The following DENND1A variants were observed in gnomAD, a reference collection of about 807,000 sequenced individuals.
The protein encoded by DENND1A is DENN domain containing 1A.
A neutral mutation model predicts 113.7 loss-of-function variants in DENND1A; 51 were observed. The ratio of observed to expected loss-of-function variants is 0.45; its 90% CI spans 0.36 to 0.57. The LOEUF (loss-of-function observed/expected upper bound fraction) is 0.57. Among genes scored for constraint, DENND1A ranks in the 20% least tolerant of loss-of-function variants. The pLI, the probability that DENND1A is intolerant of heterozygous loss-of-function variation, is 0.00. For missense variants in DENND1A, 1,258 were observed against 1,395.9 expected, an observed-to-expected ratio of 0.90 and a Z score of 1.57; for synonymous variants, 565 against 570.8, an observed-to-expected ratio of 0.99 and a Z score of 0.14.
intron 1 of DENND1A, among the ~76,000 whole-genome samples, chr9:123,923,214 C>G (rs1856578326): frequency 6.6e-6 from 1 of 152,228 alleles, no homozygotes; most frequent in African/African-American, 2.4e-5. Context: ...ACCTTCCTAT[C>G]TGCTGTACAA....
intron 13 of DENND1A, among the ~76,000 whole-genome samples, chr9:123,468,868 C>T (rs1449047438): frequency 6.6e-6 from 1 of 152,234 alleles, no homozygotes; most frequent in Non-Finnish European, 1.5e-5. Context: ...AGATGACCTG[C>T]ATCCTTCACT....
At chr9:123,619,070 C>G (rs1296308106) in intron 10 of DENND1A, among the ~76,000 whole-genome samples, 1 of 152,114 alleles carries the variant, frequency 6.6e-6, no homozygotes, top group Non-Finnish European at 1.5e-5. Context: ...GCCTCAGCCT[C>G]AGAGTAGCTG....
chr9:123,929,977 G>A lies in DENND1A; in HGVS notation c.-72C>T. 1 of 249,336 alleles carries A rather than the reference G, an allele frequency of 4.0e-6. No homozygotes were observed. Among genetic ancestry groups the A allele is most frequent in the South Asian group, 1.2e-4 (1 of 8,478 alleles). The allele number at this position is 249,336 out of a possible 1,614,324, so 15.4% of individuals were successfully genotyped here. A position where few individuals can be genotyped will look rare whatever the true frequency, so the allele number is the denominator to read the frequency against. ...GCTGCCCGCCCGCCCGCGGCCGACCGGCCTCCCTCTGGCGCTCTCCCCGCC... is the reference window on the plus strand; with the variant it reads ...GCTGCCCGCCCGCCCGCGGCCGACCAGCCTCCCTCTGGCGCTCTCCCCGCC... On this transcript the variant is annotated 5_prime_UTR_variant, in exon 1 of 24. Transcript: ENST00000394215.
intron 5 of DENND1A, among the ~76,000 whole-genome samples, chr9:123,698,215 T>A (rs2065648420): frequency 6.6e-6 from 1 of 151,460 alleles, no homozygotes; most frequent in Non-Finnish European, 1.5e-5. Flanking sequence ...AACCAAGGAG[T>A]CGTGAGAAGA....
intron 2 of DENND1A, among the ~76,000 whole-genome samples, chr9:123,849,278 G>A (rs965980602): frequency 2.0e-5 from 3 of 152,118 alleles, no homozygotes; most frequent in Admixed American, 6.5e-5. Flanking sequence ...AATGCTCATC[G>A]ACCATTCTGA....
intron 5 of DENND1A, among the ~76,000 whole-genome samples, chr9:123,685,384 T>C (rs1332614134): frequency 6.6e-6 from 1 of 152,252 alleles, no homozygotes; most frequent in Non-Finnish European, 1.5e-5. Context: ...TTTATGTCCA[T>C]AATTAATGTC....
intron 10 of DENND1A, among the ~76,000 whole-genome samples, chr9:123,610,261 T>G (rs1304142977): frequency 6.6e-6 from 1 of 152,218 alleles, no homozygotes; most frequent in African/African-American, 2.4e-5. Context: ...ATCATTTATG[T>G]TACCTACCAA....
intron 13 of DENND1A, among the ~76,000 whole-genome samples, chr9:123,534,675 T>C (rs1383922792): frequency 2.0e-5 from 3 of 152,226 alleles, no homozygotes; most frequent in African/African-American, 7.2e-5. Context: ...GCTAATTGAA[T>C]GTGTGCAAAA....
chr9:123,440,463 G>C lies in DENND1A; in HGVS notation c.1385C>G (p.Thr462Ser). The change falls in exon 19 of 24, where the codon ACC (threonine) becomes AGC (serine). Residue 462 changes from threonine to serine, a missense_variant. Physicochemically the swap from Thr to Ser is moderately conservative, Grantham distance 58. Around this residue, in one of 2 missense-constraint regions of DENND1A, gnomAD observed 1,159 missense variants for 1,231.7 expected, o/e 0.94. Transcript: ENST00000394215. ...KDIAENGCAP[T>S]PEEQLPKTAP... ...AGTCTTTGGCAGCTGCTCTTCTGGGGTGGGGGCGCAGCCATTCTCGGCAAT... is the reference window on the plus strand; with the variant it reads ...AGTCTTTGGCAGCTGCTCTTCTGGGCTGGGGGCGCAGCCATTCTCGGCAAT... 1 of 1,572,386 alleles carries C rather than the reference G, an allele frequency of 6.4e-7. No individual in the cohort carries two copies. The highest frequency in any genetic ancestry group is 8.6e-7 in the Non-Finnish European group (1 of 1,167,126).
intron 2 of DENND1A, among the ~76,000 whole-genome samples, chr9:123,805,753 T>C (rs1464642585): frequency 2.0e-5 from 3 of 152,114 alleles, no homozygotes; most frequent in East Asian, 1.9e-4. Flanking sequence ...TTTAATAATT[T>C]TGTGCATTAA....
intron 5 of DENND1A, among the ~76,000 whole-genome samples, chr9:123,708,987 G>A (rs73665345): frequency 0.18 from 27,992 of 152,072 alleles, 2,753 homozygotes; most frequent in African/African-American, 0.27. Flanking sequence ...TAACTCCCCC[G>A]CCTCAGCCCT....
intron 5 of DENND1A, among the ~76,000 whole-genome samples, chr9:123,703,863 G>A (rs769352004): frequency 1.4e-4 from 21 of 151,944 alleles, no homozygotes; most frequent in African/African-American, 2.2e-4. Flanking sequence ...TGACAGAAAC[G>A]TTCTGTATCT....
At chr9:123,705,193 G>A (rs1459561724) in intron 5 of DENND1A, among the ~76,000 whole-genome samples, 1 of 151,912 alleles carries the variant, frequency 6.6e-6, no homozygotes, top group South Asian at 2.1e-4. Flanking sequence ...TAAAACAAGA[G>A]CAAAAAAGAA....
At chr9:123,887,087 T>A (rs938977962) in intron 1 of DENND1A, among the ~76,000 whole-genome samples, 32 of 152,166 alleles carry the variant, frequency 2.1e-4, no homozygotes, top group African/African-American at 7.7e-4. Flanking sequence ...TAATAAGTTG[T>A]CTCATATGCT....
chr9:123,705,672 T>A (rs1409917197), intron 5 of DENND1A, among the ~76,000 whole-genome samples: 2 of 152,102 alleles, frequency 1.3e-5, no homozygotes, highest in East Asian at 3.8e-4. Context: ...TAAAATAAAA[T>A]CTAAATAAAC....
chr9:123,750,935 G>A (rs1782601788), intron 5 of DENND1A, among the ~76,000 whole-genome samples: 1 of 152,170 alleles, frequency 6.6e-6, no homozygotes. Flanking sequence ...AGCAGCACCT[G>A]CTTTCAAGGT....
At chr9:123,785,291 A>G (rs1831958751) in intron 3 of DENND1A, among the ~76,000 whole-genome samples, 1 of 152,092 alleles carries the variant, frequency 6.6e-6, no homozygotes, top group Non-Finnish European at 1.5e-5. Flanking sequence ...GTTTGAGGAT[A>G]CAGTGAGCTA....
In DENND1A at chr9:123,383,797, G is replaced by C; in HGVS notation, c.1877C>G (p.Ala626Gly). ...GTCTTCCAGAAGGTCGATGCTGGCA[G>C]CCCGGTCAGGGGGAGCTGGGACAGG... Reference protein sequence around the residue: ...TGPVPAPPDRAASIDLLEDVF... With the variant: ...TGPVPAPPDRGASIDLLEDVF... Residue 626 changes from alanine to glycine, a missense_variant, in exon 23 of 24, where the codon GCT becomes GGT. By Grantham distance (60) the Ala-to-Gly change is moderately conservative. This residue lies in a region of DENND1A where 1,159 missense variants were observed against 1,231.7 expected (regional missense o/e 0.94). Transcript: ENST00000394215. 1 of 1,614,116 alleles carries C rather than the reference G, an allele frequency of 6.2e-7. No individual in the cohort carries two copies. Among genetic ancestry groups the C allele is most frequent in the South Asian group, 1.1e-5 (1 of 91,090 alleles).
At position 123,411,578 on chromosome 9, in the gene DENND1A, A is replaced by G. The variant is rs528636768; in HGVS notation, c.1542+198T>C. The G allele has an allele frequency of 4.4e-5, 8 of 179,918 alleles. No individual in the cohort carries two copies. In the East Asian group the frequency reaches 1.5e-3, roughly 34 times the overall value. 11.1% of individuals were successfully genotyped at this position (179,918 alleles called of 1,614,324 possible). A position where few individuals can be genotyped will look rare whatever the true frequency, so the allele number is the denominator to read the frequency against. ...TATGGCTCTGATCTGCAAGTCACCA[A>G]ACTTATTCACGAAAAAGCAAGAGAA... On this transcript the variant is annotated intron_variant, in intron 20 of 23. Coordinates refer to ENST00000394215, the MANE Select transcript of DENND1A (RefSeq NM_001352964.2).
Sources: allele counts gnomAD v4.1 joint callset (sites outside exome capture counted in the v4.1 genomes callset), GRCh38; gene constraint gnomAD v4.1.1; regional missense constraint gnomAD v4.1.1; transcripts MANE v1.5; gene names NCBI Gene and HGNC (gene_info 2026-07-23, HGNC 2026-07-21).